PCDH11X: variants seen among roughly 807,000 people sequenced by gnomAD.
The protein encoded by PCDH11X is protocadherin 11 X-linked, also known as protocadherin-11 X-linked.
PCDH11X carries 18 observed loss-of-function variants against 53.3 expected under a neutral mutation model. The observed-to-expected ratio is 0.34, with a 90% confidence interval of 0.23 to 0.50. PCDH11X has a LOEUF of 0.50. Among genes scored for constraint, PCDH11X ranks in the 20% least tolerant of loss-of-function variants. PCDH11X has a pLI of 0.98. For missense variants in PCDH11X, 570 were observed against 1,032.4 expected (o/e 0.55, Z 6.14); for synonymous variants, 279 against 393.3 (o/e 0.71, Z 3.44).
At chrX:91,788,420 T>A (rs2524820) in intron 1 of PCDH11X, among the ~76,000 whole-genome samples, 159 of 112,435 alleles carry the variant, frequency 1.4e-3, no homozygotes, top group South Asian at 4.7e-3. Flanking sequence ...TTATTTTTTT[T>A]AAAAAATGAC....
At chrX:91,871,723 C>A (rs756497527) in intron 5 of PCDH11X, among the ~76,000 whole-genome samples, 59 of 111,276 alleles carry the variant, frequency 5.3e-4, no homozygotes, top group African/African-American at 1.8e-3. Flanking sequence ...AAAAAAACTT[C>A]TCTTGCAAAT....
intron 4 of PCDH11X, among the ~76,000 whole-genome samples, chrX:91,814,514 A>C (rs2147566553): frequency 9.8e-6 from 1 of 102,564 alleles, no homozygotes; most frequent in South Asian, 4.7e-4. Context: ...ACTACCTAAA[A>C]CAGAGCACAC....
At chrX:92,123,188 C>G (rs1325229029) in intron 6 of PCDH11X, among the ~76,000 whole-genome samples, 2 of 111,392 alleles carry the variant, frequency 1.8e-5, no homozygotes, top group Non-Finnish European at 3.8e-5. Flanking sequence ...AACCAATTTT[C>G]TCTACCAAGT....
chrX:92,322,980 T>G (rs2069248513), intron 8 of PCDH11X, among the ~76,000 whole-genome samples: 1 of 111,985 alleles, frequency 8.9e-6, no homozygotes, highest in Non-Finnish European at 1.9e-5. Context: ...ACCAATAACT[T>G]GAAATCGGTA....
rs2063457849 is a variant in PCDH11X at position 92,056,885 on chromosome X, T to G, written c.3034-144490T>G. ...AAAAAACATTATTTGATGTTTTCCG[T>G]TTCAAGATATAACAATTTATTTTCA... On this transcript the variant is annotated intron_variant, in intron 6 of 10. Transcript: ENST00000682573. 4.6e-5 allele frequency among the ~76,000 whole-genome samples: 5 copies of G among 108,102 alleles called. No homozygotes were observed. The Admixed American group carries it at 5.0e-4, about 11-fold the overall frequency. 93.9% of individuals were successfully genotyped at this position (108,102 alleles called of 115,157 possible).
intron 6 of PCDH11X, among the ~76,000 whole-genome samples, chrX:92,160,888 C>A (rs2065631660): frequency 9.1e-6 from 1 of 110,300 alleles, no homozygotes; most frequent in Non-Finnish European, 1.9e-5. Context: ...AAGGTCGTAT[C>A]ACATTGTGGT....
chrX:92,337,113 T>A (rs936321834), intron 8 of PCDH11X, among the ~76,000 whole-genome samples: 6 of 109,770 alleles, frequency 5.5e-5, no homozygotes, highest in African/African-American at 2.0e-4. Context: ...TTTATGTAGA[T>A]GAAAAGTTAC....
At chrX:92,197,709 A>G (rs1452810552) in intron 6 of PCDH11X, among the ~76,000 whole-genome samples, 1 of 111,703 alleles carries the variant, frequency 9.0e-6, no homozygotes, top group East Asian at 2.8e-4. Context: ...CAATATTTCA[A>G]CCATATGGCA....
chrX:92,142,592 C>A (rs2065201936), intron 6 of PCDH11X, among the ~76,000 whole-genome samples: 1 of 110,843 alleles, frequency 9.0e-6, no homozygotes. Context: ...ACTGAGGTAA[C>A]CAAAGTACAA....
At chrX:92,166,856 C>T (rs2065741006) in intron 6 of PCDH11X, among the ~76,000 whole-genome samples, 2 of 111,281 alleles carry the variant, frequency 1.8e-5, no homozygotes, top group East Asian at 2.8e-4. Flanking sequence ...TATCACAATG[C>T]CACTCCACTC....
intron 6 of PCDH11X, among the ~76,000 whole-genome samples, chrX:92,111,796 C>T (rs1406061366): frequency 9.1e-6 from 1 of 110,189 alleles, no homozygotes; most frequent in Non-Finnish European, 1.9e-5. Context: ...CTCACTCTGT[C>T]GCCCAGGCTG....
At chrX:92,183,348 C>T (rs2066030732) in intron 6 of PCDH11X, among the ~76,000 whole-genome samples, 1 of 107,422 alleles carries the variant, frequency 9.3e-6, no homozygotes. Flanking sequence ...CCTTCACCTC[C>T]CAGGTTCAAG....
At chrX:92,121,690 T>C (rs994706330) in intron 6 of PCDH11X, among the ~76,000 whole-genome samples, 2 of 108,480 alleles carry the variant, frequency 1.8e-5, no homozygotes, top group African/African-American at 6.8e-5. Context: ...AAAGATGATA[T>C]CAATTTTTTC....
In PCDH11X at chrX:91,879,018, T is replaced by C; in HGVS notation, c.2778T>C (p.Thr926=). ...AGTACAATTGGGTAACTACACCTACTACTTTCAAGCCCGACAGCCCTGATT... is the reference window on the plus strand; with the variant it reads ...AGTACAATTGGGTAACTACACCTACCACTTTCAAGCCCGACAGCCCTGATT... ...MGKYNWVTTP[T]TFKPDSPDLA... Residue 926 remains threonine (T), a synonymous_variant, in exon 6 of 11, where the codon ACT becomes ACC. Transcript: ENST00000682573. The C allele has an allele frequency of 8.3e-7, 1 of 1,211,495 alleles. No homozygotes were observed. The highest frequency in any genetic ancestry group is 1.1e-6 in the Non-Finnish European group (1 of 895,419).
At chrX:92,059,912 A>G (rs959275817) in intron 6 of PCDH11X, among the ~76,000 whole-genome samples, 4 of 110,726 alleles carry the variant, frequency 3.6e-5, no homozygotes, top group East Asian at 2.8e-4. Context: ...ACTTATATAT[A>G]TATTAACCAA....
rs868852588 is a variant in PCDH11X, at chrX:92,274,716, C to T, written c.3144+11573C>T. Reference sequence around the variant, plus strand: ...TTATTTCCTTGAGGATAGATTTCCACGATGGAAAGGAAATGAGAGGTTCTG... The same window carrying T: ...TTATTTCCTTGAGGATAGATTTCCATGATGGAAAGGAAATGAGAGGTTCTG... On this transcript the variant is annotated intron_variant, in intron 8 of 10. Coordinates refer to ENST00000682573, the MANE Select transcript of PCDH11X (RefSeq NM_032968.5). Among the ~76,000 whole-genome samples, 349 of 110,376 alleles carry T rather than the reference C, an allele frequency of 3.2e-3. 2 individuals carry two copies. The highest frequency in any genetic ancestry group is 0.01 in the African/African-American group (311 of 30,272).
intron 9 of PCDH11X, among the ~76,000 whole-genome samples, chrX:92,395,842 A>T (rs1258329141): frequency 9.1e-6 from 1 of 109,787 alleles, no homozygotes; most frequent in Non-Finnish European, 1.9e-5. Flanking sequence ...TAAATGAAAC[A>T]ACTCATGAGA....
chrX:92,008,650 A>ATC (rs2062640817), intron 6 of PCDH11X, among the ~76,000 whole-genome samples: 1 of 107,852 alleles, frequency 9.3e-6, no homozygotes, highest in Non-Finnish European at 1.9e-5. Flanking sequence ...TTTCCTGTAT[A>ATC]GATAGTTGTT....
chrX:91,892,012 GGT>G (rs367707799), intron 6 of PCDH11X, among the ~76,000 whole-genome samples: 1,981 of 82,838 alleles, frequency 0.024, 43 homozygotes, highest in African/African-American at 0.05. Flanking sequence ...TAATTAGAGG[GGT>G]GTGTGTGTGT....
Sources: gnomAD v4.1 joint callset for allele counts (sites outside exome capture counted in the v4.1 genomes callset) on GRCh38, gnomAD v4.1.1 for gene constraint, MANE v1.5 for transcripts, NCBI Gene and HGNC (gene_info 2026-07-23, HGNC 2026-07-21) for gene names.